Variants in ZNF567 observed in about 807,000 individuals in gnomAD.
ZNF567 encodes zinc finger protein 567.
Under a neutral mutation model 53.9 loss-of-function variants are expected in ZNF567, and 36 were observed. The observed-to-expected ratio is 0.67, with a 90% confidence interval of 0.51 to 0.88. ZNF567 has a LOEUF of 0.88. ZNF567 is among the 40% of genes least tolerant of loss of function. The pLI, the probability that ZNF567 is intolerant of heterozygous loss-of-function variation, is 0.00. For synonymous variants in ZNF567, 224 were observed against 260.4 expected (o/e 0.86, Z 1.35); for missense variants, 619 against 764.7 (o/e 0.81, Z 2.25).
At position 36,712,527 on chromosome 19, in the gene ZNF567, C is replaced by T. The variant is rs2039842621; in HGVS notation, c.136+15C>T. 6.2e-7 allele frequency: 1 copy of T among 1,613,892 alleles called. No homozygotes were observed. The highest frequency in any genetic ancestry group is 8.5e-7 in the Non-Finnish European group (1 of 1,179,978). ...CATCTCTGTGGGTAAGAAAAATCCTCTTTGAAACTTTAGTAGCATGCACTT... is the reference window on the plus strand; with the variant it reads ...CATCTCTGTGGGTAAGAAAAATCCTTTTTGAAACTTTAGTAGCATGCACTT... On this transcript the variant is annotated intron_variant, in intron 4 of 5. Transcript: ENST00000682579.
At chr19:36,718,476 G>A (rs895222125) in intron 5 of ZNF567, among the ~76,000 whole-genome samples, 2 of 152,090 alleles carry the variant, frequency 1.3e-5, no homozygotes, top group Non-Finnish European at 2.9e-5. Flanking sequence ...TCCAGCCTGG[G>A]TGACAAAGCG....
chr19:36,713,705 C>T (rs546567592), intron 5 of ZNF567, among the ~76,000 whole-genome samples: 33 of 152,202 alleles, frequency 2.2e-4, no homozygotes, highest in Non-Finnish European at 2.8e-4. Context: ...GAGGCTGAGG[C>T]GGGCAGATCA....
intron 5 of ZNF567, among the ~76,000 whole-genome samples, chr19:36,714,848 G>T (rs1053454838): frequency 6.6e-6 from 1 of 151,984 alleles, no homozygotes; most frequent in Non-Finnish European, 1.5e-5. Context: ...AAAAATGCTT[G>T]GCATATAATA....
chr19:36,684,101 C>T (rs1439966243), upstream of ZNF567, among the ~76,000 whole-genome samples: 1 of 152,098 alleles, frequency 6.6e-6, no homozygotes, highest in East Asian at 1.9e-4. Flanking sequence ...CTTACATATA[C>T]AAACAGAACA....
chr19:36,680,015 G>A, the ZNF567 span, among the ~76,000 whole-genome samples: 1 of 152,110 alleles, frequency 6.6e-6, no homozygotes, highest in African/African-American at 2.4e-5. Context: ...AAATATTTGA[G>A]GTAACGGATA....
the ZNF567 span, among the ~76,000 whole-genome samples, chr19:36,682,340 G>T: frequency 6.6e-6 from 1 of 150,880 alleles, no homozygotes; most frequent in Non-Finnish European, 1.5e-5. Flanking sequence ...CAGCAACATG[G>T]ATATAATGTT....
At chr19:36,721,732 C>CTTTTTTTTTTTT (rs756276834), downstream of ZNF567, among the ~76,000 whole-genome samples, 1 of 121,672 alleles carries the variant, frequency 8.2e-6, no homozygotes, top group Admixed American at 1.0e-4. Flanking sequence ...GTACCAGAGT[C>CTTTTTTTTTTTT]TTTTTTTTTT....
At chr19:36,726,982 T>TTCTTTCTTTCTTTCTTTC (rs375360156), downstream of ZNF567, 7 of 55,418 alleles carry the variant, frequency 1.3e-4, no homozygotes, top group Non-Finnish European at 1.8e-4. Flanking sequence ...CTTTCTTTCT[T>TTCTTTCTTTCTTTCTTTC]TTTCTTTCTT....
In ZNF567 at chr19:36,719,313, C is replaced by G. The variant is rs2040205018; in HGVS notation, c.589C>G (p.Leu197Val). Residue 197 changes from leucine (L) to valine (V), a missense_variant, in exon 6 of 6, where the codon CTT becomes GTT. By Grantham distance (32) the Leu-to-Val change is conservative. Coordinates refer to ENST00000682579, the MANE Select transcript of ZNF567 (RefSeq NM_001322917.1). ...CAGAGCTTTCAGTCATAATGAAGTT[C>G]TTATGCAGTATCAGAAAACGGAAAC... ...SARAFSHNEVLMQYQKTETPA... is the reference protein window; with the variant it reads ...SARAFSHNEVVMQYQKTETPA... The G allele has an allele frequency of 6.2e-7, 1 of 1,612,876 alleles. No individual in the cohort carries two copies. The highest frequency in any genetic ancestry group is 1.1e-5 in the South Asian group (1 of 90,758).
downstream of ZNF567, chr19:36,726,982 T>TTTTCTTTCTTTCTTTCTTTCTTTATTTC (rs2040337277): frequency 1.8e-5 from 1 of 55,390 alleles, no homozygotes; most frequent in African/African-American, 6.9e-5. Context: ...CTTTCTTTCT[T>TTTTCTTTCTTTCTTTCTTTCTTTATTTC]TTTCTTTCTT....
the ZNF567 span, among the ~76,000 whole-genome samples, chr19:36,677,537 C>T: frequency 1.4e-5 from 2 of 144,692 alleles, no homozygotes; most frequent in African/African-American, 2.6e-5. Context: ...GAGGCCGAGG[C>T]GGGTGGATCA....
chr19:36,674,918 T>C, the ZNF567 span, among the ~76,000 whole-genome samples: 11 of 152,196 alleles, frequency 7.2e-5, no homozygotes, highest in Non-Finnish European at 1.0e-4. Context: ...CATGCCTGGC[T>C]AATTTTTGTA....
the ZNF567 span, among the ~76,000 whole-genome samples, chr19:36,672,038 A>G: frequency 2.6e-5 from 4 of 152,184 alleles, no homozygotes. Flanking sequence ...TGATAGAGGT[A>G]GAGAAGACTC....
intron 5 of ZNF567, among the ~76,000 whole-genome samples, chr19:36,715,703 A>G (rs2040033118): frequency 6.7e-6 from 1 of 150,186 alleles, no homozygotes; most frequent in South Asian, 2.1e-4. Flanking sequence ...CTAATTTTGT[A>G]TTTTTAGTAG....
At chr19:36,703,346 T>A (rs1600532570) in intron 3 of ZNF567, among the ~76,000 whole-genome samples, 1 of 149,554 alleles carries the variant, frequency 6.7e-6, no homozygotes, top group Admixed American at 6.7e-5. Context: ...CTGGGGGGGG[T>A]GCCTCCCAGT....
intron 3 of ZNF567, among the ~76,000 whole-genome samples, chr19:36,702,228 T>C (rs2039233892): frequency 6.6e-6 from 1 of 152,194 alleles, no homozygotes; most frequent in African/African-American, 2.4e-5. Context: ...AAAATTCTTT[T>C]CTTTAAGAAT....
intron 3 of ZNF567, chr19:36,711,908 A>G (rs1272193213): frequency 6.6e-6 from 1 of 152,522 alleles, no homozygotes; most frequent in African/African-American, 2.4e-5. Context: ...ACTGATGGAT[A>G]TTTTTACCTT....
chr19:36,689,236 AGTGTGTGT>A (rs59984347), intron 1 of ZNF567, among the ~76,000 whole-genome samples, 153 bp from the exon 2 acceptor site: 3,328 of 138,930 alleles, frequency 0.024, 48 homozygotes, highest in Admixed American at 0.047. Flanking sequence ...CCTATTTGAG[AGTGTGTGT>A]GTGTGTGTGT....
the ZNF567 span, among the ~76,000 whole-genome samples, chr19:36,680,234 A>G: frequency 1.3e-5 from 2 of 152,132 alleles, no homozygotes; most frequent in African/African-American, 4.8e-5. Flanking sequence ...GTTGCCCCCT[A>G]TGAGCATCTC....
Sources: gnomAD v4.1 joint callset for allele counts (sites outside exome capture counted in the v4.1 genomes callset) on GRCh38, gnomAD v4.1.1 for gene constraint, MANE v1.5 for transcripts, NCBI Gene and HGNC (gene_info 2026-07-23, HGNC 2026-07-21) for gene names.